The following DFFB variants were observed in gnomAD, a reference collection of about 807,000 sequenced individuals.
DFFB encodes the protein DNA fragmentation factor subunit beta, also known as DNA fragmentation factor 40 kDa subunit.
A neutral mutation model predicts 32.7 loss-of-function variants in DFFB; 29 were observed. The observed-to-expected ratio is 0.89, with a 90% CI of 0.66 to 1.21. The LOEUF (loss-of-function observed/expected upper bound fraction) is 1.21, where lower values mean the gene tolerates loss of function less well. Ranked by LOEUF, DFFB falls within the 50% of genes most tolerant of loss-of-function variation. DFFB has a pLI of 0.00. For missense variants in DFFB, 398 were observed against 440.6 expected, an observed-to-expected ratio of 0.90 and a Z score of 0.87; for synonymous variants, 170 against 177.1, an observed-to-expected ratio of 0.96 and a Z score of 0.32.
Position 3,884,990 on chromosome 1 carries a change from TTCA to T in DFFB, c.*1251_*1253del, listed in dbSNP as rs1451542615. The T allele has an allele frequency of 6.6e-6, 1 of 152,254 alleles. No homozygotes were observed. The highest frequency in any genetic ancestry group is 2.4e-5 in the African/African-American group (1 of 41,458). The allele number at this position is 152,254 out of a possible 1,614,324, so 9.4% of individuals were successfully genotyped here. A position where few individuals can be genotyped will look rare whatever the true frequency, so the allele number is the denominator to read the frequency against. ...CCAAAAATGGTGAGCGATCATTTAT[TTCA>T]TGATTCAACCTGATACATTTACATA... On this transcript the variant is annotated 3_prime_UTR_variant, in exon 7 of 7. Transcript: ENST00000378209.
chr1:3,879,153 T>C (rs12027929), intron 6 of DFFB, among the ~76,000 whole-genome samples: 1 of 152,228 alleles, frequency 6.6e-6, no homozygotes, highest in South Asian at 2.1e-4. Context: ...AGTATCTAGG[T>C]AGAGCTCTTT....
chr1:3,883,144 C>T (rs536635250), intron 6 of DFFB, among the ~76,000 whole-genome samples: 1 of 152,126 alleles, frequency 6.6e-6, no homozygotes, highest in Non-Finnish European at 1.5e-5. Flanking sequence ...GCTGGGATAA[C>T]AGGTGCCCAC....
intron 6 of DFFB, among the ~76,000 whole-genome samples, chr1:3,879,543 C>T (rs1196821886): frequency 6.6e-6 from 1 of 152,206 alleles, no homozygotes; most frequent in Non-Finnish European, 1.5e-5. Context: ...CTCACTCTCC[C>T]TCTGTCTCTG....
rs1644813618 is a variant in DFFB at position 3,858,714 on chromosome 1, G to T, written c.115-4G>T. The T allele has an allele frequency of 1.9e-6, 3 of 1,613,706 alleles. No homozygotes were observed. The highest frequency in any genetic ancestry group is 2.2e-5 in the East Asian group (1 of 44,882). On this transcript the variant is annotated splice_region_variant and splice_polypyrimidine_tract_variant and intron_variant, in intron 1 of 6. Coordinates refer to ENST00000378209, the MANE Select transcript of DFFB (RefSeq NM_004402.4). Reference sequence around the variant, plus strand: ...TCCTCCTGTTGCTTCTCCCGTCCCTGCAGCTCCCTGAGCGCGGTTCCCGGC... The same window carrying T: ...TCCTCCTGTTGCTTCTCCCGTCCCTTCAGCTCCCTGAGCGCGGTTCCCGGC...
At chr1:3,883,391 G>C in intron 6 of DFFB, 116 bp from the exon 7 acceptor site, 1 of 956,340 alleles carries the variant, frequency 1.0e-6, no homozygotes, top group South Asian at 1.6e-5. Context: ...GCGGCCGTGT[G>C]TCCGTGATAG....
Position 3,869,586 on chromosome 1 carries a change from C to A in DFFB, c.511-19C>A. On this transcript the variant is annotated intron_variant, in intron 4 of 6. Transcript: ENST00000378209. ...GGGCGCTGTGCACCAGGCTCACCGA[C>A]GTTCCTTGGTTCCTCCAGGTGAGCT... 6.3e-7 allele frequency: 1 copy of A among 1,595,776 alleles called. No individual in the cohort carries two copies. The highest frequency in any genetic ancestry group is 8.6e-7 in the Non-Finnish European group (1 of 1,169,474).
chr1:3,873,006 T>C, intron 6 of DFFB: 8 of 1,274,150 alleles, frequency 6.3e-6, no homozygotes, highest in Non-Finnish European at 8.2e-6. Context: ...TTTTTCTTTT[T>C]CTTTTAGAGA....
chr1:3,863,625 A>C (rs1644919501), intron 2 of DFFB, among the ~76,000 whole-genome samples: 2 of 152,222 alleles, frequency 1.3e-5, no homozygotes, highest in African/African-American at 2.4e-5. Flanking sequence ...CCAATGATGA[A>C]CACTTGGATC....
intron 2 of DFFB, among the ~76,000 whole-genome samples, chr1:3,864,107 C>G (rs1173925812): frequency 6.6e-6 from 1 of 152,078 alleles, no homozygotes; most frequent in Non-Finnish European, 1.5e-5. Context: ...GCTGGGGTTA[C>G]AGGCATGCAC....
intron 1 of DFFB, 100 bp downstream of exon 1, chr1:3,857,817 C>CCCT: frequency 1.1e-6 from 1 of 885,656 alleles, no homozygotes; most frequent in Non-Finnish European, 1.6e-6. Context: ...GCAGGCGGCG[C>CCCT]CCGGGGCGGG....
chr1:3,881,657 A>G (rs941460584), intron 6 of DFFB, among the ~76,000 whole-genome samples: 6 of 152,232 alleles, frequency 3.9e-5, no homozygotes, highest in African/African-American at 1.4e-4. Context: ...TCAGGAGTTC[A>G]AGGCCAGCCT....
chr1:3,857,905 G>C (rs906619111), intron 1 of DFFB, among the ~76,000 whole-genome samples, 188 bp downstream of exon 1: 8 of 151,636 alleles, frequency 5.3e-5, no homozygotes, highest in Admixed American at 3.9e-4. Context: ...CAGAACGCAG[G>C]GGGGTTGGGG....
chr1:3,871,842 TGGAAGGGGA>T (rs1218038067), intron 5 of DFFB, among the ~76,000 whole-genome samples: 1 of 151,984 alleles, frequency 6.6e-6, no homozygotes, highest in Non-Finnish European at 1.5e-5. Flanking sequence ...ACACTTGTGG[TGGAAGGGGA>T]GGCAGGAGCA....
chr1:3,862,277 G>A (rs1570896845), intron 2 of DFFB, among the ~76,000 whole-genome samples: 3 of 152,332 alleles, frequency 2.0e-5, no homozygotes, highest in Middle Eastern at 6.8e-3. Flanking sequence ...TTGTTAAGAT[G>A]GTGGGACTCC....
At chr1:3,867,203 T>G (rs1269227143) in intron 3 of DFFB, among the ~76,000 whole-genome samples, 1 of 152,268 alleles carries the variant, frequency 6.6e-6, no homozygotes, top group Non-Finnish European at 1.5e-5. Flanking sequence ...GCCAATTTCC[T>G]TCTTTTTAAG....
intron 6 of DFFB, among the ~76,000 whole-genome samples, chr1:3,879,565 CA>C: frequency 6.6e-6 from 1 of 152,282 alleles, no homozygotes; most frequent in East Asian, 1.9e-4. Context: ...CACGTGGGGA[CA>C]CAGCAAGAAG....
chr1:3,869,276 G>A (rs890158501), intron 4 of DFFB, among the ~76,000 whole-genome samples: 4 of 152,196 alleles, frequency 2.6e-5, no homozygotes, highest in African/African-American at 9.7e-5. Context: ...GGTCAGGCTG[G>A]TCTCAAACTC....
intron 6 of DFFB, among the ~76,000 whole-genome samples, chr1:3,883,284 C>T (rs1371065319): frequency 2.0e-5 from 3 of 152,194 alleles, no homozygotes; most frequent in African/African-American, 7.2e-5. Context: ...GGATGACAGG[C>T]GTGAGCCGCC....
At chr1:3,872,038 C>T (rs142877446) in intron 5 of DFFB, among the ~76,000 whole-genome samples, 288 of 152,314 alleles carry the variant, frequency 1.9e-3, no homozygotes, top group African/African-American at 6.5e-3. Flanking sequence ...CCCCGCCTCC[C>T]ACACTAGTGC....
Sources: allele counts gnomAD v4.1 joint callset (sites outside exome capture counted in the v4.1 genomes callset), GRCh38; gene constraint gnomAD v4.1.1; transcripts MANE v1.5; gene names NCBI Gene and HGNC (gene_info 2026-07-23, HGNC 2026-07-21).